OSMR: variants seen among roughly 807,000 people sequenced by gnomAD.
OSMR encodes the protein oncostatin-M-specific receptor subunit beta.
OSMR carries 81 observed loss-of-function variants against 99.9 expected under a neutral mutation model. The ratio of observed to expected loss-of-function variants is 0.81; its 90% CI spans 0.68 to 0.97. OSMR has a LOEUF of 0.97. Ranked by LOEUF, OSMR falls within the 50% of genes least tolerant of loss-of-function variation. OSMR has a pLI of 0.00. For missense variants in OSMR, 1,099 were observed against 1,153.4 expected (o/e 0.95, Z 0.68); for synonymous variants, 406 against 410.4 (o/e 0.99, Z 0.13).
chr5:38,879,042 C>T (rs1342460024), intron 3 of OSMR, among the ~76,000 whole-genome samples: 4 of 152,216 alleles, frequency 2.6e-5, no homozygotes, highest in African/African-American at 4.8e-5. Context: ...ATTCTACACA[C>T]GGGCTGTGTG....
At chr5:38,896,059 T>C (rs532724628) in intron 7 of OSMR, among the ~76,000 whole-genome samples, 2 of 152,216 alleles carry the variant, frequency 1.3e-5, no homozygotes, top group African/African-American at 4.8e-5. Flanking sequence ...TATAGCTCTA[T>C]AGTATAATTT....
intron 1 of OSMR, among the ~76,000 whole-genome samples, chr5:38,862,378 C>A (rs1310936017): frequency 1.2e-5 from 1 of 80,140 alleles, no homozygotes. Context: ...CGGGCAGAGG[C>A]GCCCCTCACC....
chr5:38,904,516 C>T lies in OSMR; in HGVS notation c.1285+13C>T, dbSNP rs1369558731. 6.2e-7 allele frequency: 1 copy of T among 1,613,986 alleles called. No individual in the cohort carries two copies. On this transcript the variant is annotated intron_variant, in intron 9 of 17. Coordinates refer to ENST00000274276, the MANE Select transcript of OSMR (RefSeq NM_003999.3). ...ACACTTGAAGCTGGTATGTTCAGCC[C>T]CTGGCATTTAACCCAAAGAAGTAGG...
Position 38,852,718 on chromosome 5 carries a change from A to ATTTT in OSMR, c.-14+6358_-14+6361dup, listed in dbSNP as rs61559728. Among the ~76,000 whole-genome samples, 149 of 70,674 alleles carry ATTTT rather than the reference A, an allele frequency of 2.1e-3. 13 individuals carry two copies. Among genetic ancestry groups the ATTTT allele is most frequent in the East Asian group, 2.6e-3 (5 of 1,932 alleles). The allele number at this position is 70,674 out of a possible 152,430, so 46.4% of individuals were successfully genotyped here. ...GATACATATTGAAACTATTGTTTTC[A>ATTTT]TTTTTTTTTTTTTTTTTTTTTTTTT... is the stretch of plus-strand genomic sequence containing the variant. On this transcript the variant is annotated intron_variant, in intron 1 of 17. Transcript: ENST00000274276.
exon 3 of OSMR, chr5:38,945,048 A>T (rs1474408195): frequency 1.2e-6 from 2 of 1,604,060 alleles, no homozygotes; most frequent in South Asian, 2.2e-5. Context: ...CACCAATCAG[A>T]ATATGGAATA....
At chr5:38,896,532 C>T (rs1744529488) in intron 7 of OSMR, among the ~76,000 whole-genome samples, 1 of 152,096 alleles carries the variant, frequency 6.6e-6, no homozygotes, top group African/African-American at 2.4e-5. Flanking sequence ...TTGATCAGTT[C>T]TAATAGTTTC....
At chr5:38,918,744 A>G (rs1746068093) in intron 10 of OSMR, 96 bp from the exon 11 acceptor site, 2 of 1,554,724 alleles carry the variant, frequency 1.3e-6, no homozygotes, top group Non-Finnish European at 1.7e-6. Context: ...GTGTGCGTAT[A>G]TAAAGGAGTT....
intron 1 of OSMR, among the ~76,000 whole-genome samples, chr5:38,862,792 C>T (rs1433507262): frequency 3.3e-5 from 5 of 152,144 alleles, no homozygotes; most frequent in African/African-American, 1.2e-4. Context: ...AATCTCGGCA[C>T]TTTGGGAGGC....
At chr5:38,885,837 G>A (rs1342167670) in intron 6 of OSMR, 21 of 975,768 alleles carry the variant, frequency 2.2e-5, no homozygotes, top group Non-Finnish European at 2.4e-5. Context: ...AGTGATTCAT[G>A]TTAAGACATT....
chr5:38,910,819 G>A (rs1428237144), intron 9 of OSMR, among the ~76,000 whole-genome samples: 1 of 152,094 alleles, frequency 6.6e-6, no homozygotes, highest in Admixed American at 6.6e-5. Flanking sequence ...GACCAGCTTG[G>A]CCAATATGGT....
chr5:38,878,741 C>T (rs1361801164), intron 3 of OSMR, among the ~76,000 whole-genome samples: 2 of 152,056 alleles, frequency 1.3e-5, no homozygotes, highest in Non-Finnish European at 2.9e-5. Context: ...GACCCAAAGA[C>T]AATTCATCAT....
chr5:38,898,895 CT>C (rs1271450947), intron 7 of OSMR, among the ~76,000 whole-genome samples: 1 of 150,912 alleles, frequency 6.6e-6, no homozygotes, highest in Non-Finnish European at 1.5e-5. Flanking sequence ...AAACTCTACC[CT>C]TTAACTTTGT....
intron 2 of OSMR, among the ~76,000 whole-genome samples, chr5:38,870,505 T>C (rs1742305755): frequency 6.6e-6 from 1 of 152,262 alleles, no homozygotes; most frequent in Admixed American, 6.5e-5. Context: ...CTAATTTTTT[T>C]GTATTTTCAA....
Position 38,846,333 on chromosome 5 carries a change from AC to A in OSMR, c.-66del, listed in dbSNP as rs1268928307. The A allele has an allele frequency of 6.6e-6, 1 of 152,164 alleles. No individual in the cohort carries two copies. Among genetic ancestry groups the A allele is most frequent in the Non-Finnish European group, 1.5e-5 (1 of 68,064 alleles). 9.4% of individuals were successfully genotyped at this position (152,164 alleles called of 1,614,324 possible). On this transcript the variant is annotated 5_prime_UTR_variant, in exon 1 of 18. Transcript: ENST00000274276. ...TGCCCAGCGTTTGCTTGGCTGGGCT[AC>A]CACCTGCGCTCGGACGGCGCTCGGA...
intron 3 of OSMR, among the ~76,000 whole-genome samples, chr5:38,879,786 G>A (rs565197914): frequency 1.2e-4 from 18 of 152,030 alleles, no homozygotes; most frequent in Non-Finnish European, 1.9e-4. Context: ...ACCACATCCG[G>A]CTAATTTTTG....
At chr5:38,910,106 A>G (rs559210423) in intron 9 of OSMR, among the ~76,000 whole-genome samples, 5 of 152,352 alleles carry the variant, frequency 3.3e-5, no homozygotes, top group East Asian at 1.9e-4. Flanking sequence ...TTTTAAACCA[A>G]TAATGATCAG....
intron 2 of OSMR, chr5:38,944,405 A>G (rs1202409821): frequency 6.4e-7 from 1 of 1,573,182 alleles, no homozygotes; most frequent in Non-Finnish European, 8.6e-7. Context: ...GACTTAAAAA[A>G]CAGAATAAAC....
chr5:38,917,217 C>CA lies in OSMR; in HGVS notation c.1286-322dup, dbSNP rs371481760. On this transcript the variant is annotated intron_variant, in intron 9 of 17. Coordinates refer to ENST00000274276, the MANE Select transcript of OSMR (RefSeq NM_003999.3). ...AGCAAAGGTCTGCTGCCTAGAAAGTCAAAAAAAGGGGAAATTTACCTAACT... is the reference window on the plus strand; with the variant it reads ...AGCAAAGGTCTGCTGCCTAGAAAGTCAAAAAAAAGGGGAAATTTACCTAACT... Among the ~76,000 whole-genome samples, 678 of 151,766 alleles carry CA rather than the reference C, an allele frequency of 4.5e-3. 6 individuals carry two copies. The highest frequency in any genetic ancestry group is 0.015 in the African/African-American group (629 of 41,424).
chr5:38,887,902 T>G (rs1743893655), intron 7 of OSMR, among the ~76,000 whole-genome samples: 1 of 152,190 alleles, frequency 6.6e-6, no homozygotes, highest in Admixed American at 6.5e-5. Context: ...TTCTTGCATA[T>G]TTTTTGTGCT....
Sources: gnomAD v4.1 joint callset for allele counts (sites outside exome capture counted in the v4.1 genomes callset) on GRCh38, gnomAD v4.1.1 for gene constraint, MANE v1.5 for transcripts, NCBI Gene and HGNC (gene_info 2026-07-23, HGNC 2026-07-21) for gene names.